CGAS: variants seen among roughly 807,000 people sequenced by gnomAD.
The protein encoded by CGAS is cyclic GMP-AMP synthase.
A neutral mutation model predicts 34.0 loss-of-function variants in CGAS; 31 were observed. That is an observed-to-expected ratio of 0.91 (90% CI 0.69 to 1.23). The LOEUF (loss-of-function observed/expected upper bound fraction) is 1.23, where lower values mean the gene tolerates loss of function less well. CGAS is among the 50% of genes most tolerant of loss of function. CGAS has a pLI of 0.00. For synonymous variants in CGAS, 266 were observed against 260.0 expected (o/e 1.02, Z -0.22); for missense variants, 597 against 657.6 (o/e 0.91, Z 1.01).
Position 73,451,523 on chromosome 6 carries a change from A to C in CGAS, c.657+2T>G, listed in dbSNP as rs1388572714. ...TCGGCGGGAGGGCGCCAAGCAGCTC[A>C]CCTTCACGTGCTCATAGTAGCTCCC... On this transcript the variant is annotated splice_donor_variant, in intron 1 of 4. Transcript: ENST00000370315. LOFTEE classifies it high-confidence loss of function. 1.9e-6 allele frequency: 3 copies of C among 1,547,422 alleles called. No homozygotes were observed. The highest frequency in any genetic ancestry group is 2.6e-6 in the Non-Finnish European group (3 of 1,143,148).
At chr6:73,444,290 ATT>A in intron 2 of CGAS, among the ~76,000 whole-genome samples, 1 of 150,178 alleles carries the variant, frequency 6.7e-6, no homozygotes, top group Admixed American at 6.7e-5. Context: ...GCCTGGCCAG[ATT>A]TTAATTTAAT....
chr6:73,429,921 G>A (rs377226148), intron 3 of CGAS, among the ~76,000 whole-genome samples: 1 of 152,036 alleles, frequency 6.6e-6, no homozygotes, highest in East Asian at 1.9e-4. Flanking sequence ...CAAAGTATAA[G>A]TAGTTTATAA....
At chr6:73,445,801 T>C (rs1770459323) in intron 1 of CGAS, 54 bp from the exon 2 acceptor site, 3 of 1,351,142 alleles carry the variant, frequency 2.2e-6, no homozygotes. Context: ...ATTTTCCAAG[T>C]GACTGGAACT....
chr6:73,438,646 G>A (rs939683540), intron 3 of CGAS, among the ~76,000 whole-genome samples: 24 of 141,318 alleles, frequency 1.7e-4, no homozygotes, highest in Admixed American at 1.6e-4. Context: ...AGTGAGCCAA[G>A]TTCACACCAC....
chr6:73,449,706 A>G (rs1444822391), intron 1 of CGAS, among the ~76,000 whole-genome samples: 3 of 152,000 alleles, frequency 2.0e-5, no homozygotes, highest in Admixed American at 6.6e-5. Context: ...TGCTCAAGAC[A>G]CAGTCTGGGC....
At chr6:73,446,546 A>G (rs62440623) in intron 1 of CGAS, among the ~76,000 whole-genome samples, 1 of 29,130 alleles carries the variant, frequency 3.4e-5, no homozygotes, top group African/African-American at 1.5e-4. Flanking sequence ...TAACAAGGTG[A>G]AACCCCGTCT....
rs1443046527 is a variant in CGAS, at chr6:73,424,714, T to C, written c.*513A>G. 6.6e-6 allele frequency: 1 copy of C among 152,342 alleles called. No homozygotes were observed. The highest frequency in any genetic ancestry group is 2.4e-5 in the African/African-American group (1 of 41,454). The allele number at this position is 152,342 out of a possible 1,614,324, so 9.4% of individuals were successfully genotyped here. A position where few individuals can be genotyped will look rare whatever the true frequency, so the allele number is the denominator to read the frequency against. ...GAGTTTATTACAACAAACTGAAAACTGAATAATTATTTACATTCATTTTAG... is the reference window on the plus strand; with the variant it reads ...GAGTTTATTACAACAAACTGAAAACCGAATAATTATTTACATTCATTTTAG... On this transcript the variant is annotated 3_prime_UTR_variant, in exon 5 of 5. Transcript: ENST00000370315.
chr6:73,450,851 A>T (rs1273576298), intron 1 of CGAS, among the ~76,000 whole-genome samples: 2 of 151,648 alleles, frequency 1.3e-5, no homozygotes, highest in Admixed American at 1.3e-4. Context: ...TTAGCCGGGC[A>T]TGGTGGCGGG....
intron 3 of CGAS, among the ~76,000 whole-genome samples, chr6:73,437,505 C>T (rs1291443165): frequency 6.6e-6 from 1 of 151,990 alleles, no homozygotes; most frequent in Non-Finnish European, 1.5e-5. Context: ...GTGGCATGAT[C>T]ATAGCTCACT....
intron 1 of CGAS, among the ~76,000 whole-genome samples, chr6:73,446,818 G>A (rs1485145847): frequency 2.0e-5 from 3 of 151,312 alleles, no homozygotes; most frequent in African/African-American, 7.3e-5. Flanking sequence ...AGTACTTTGG[G>A]AGGACGAGGC....
intron 1 of CGAS, among the ~76,000 whole-genome samples, chr6:73,447,330 C>T (rs977290591): frequency 2.6e-5 from 4 of 151,940 alleles, no homozygotes; most frequent in Non-Finnish European, 5.9e-5. Flanking sequence ...GTCACTGAGG[C>T]TGGAGTGCAA....
chr6:73,435,172 A>G (rs1355052708), intron 3 of CGAS, among the ~76,000 whole-genome samples: 2 of 151,458 alleles, frequency 1.3e-5, no homozygotes, highest in Non-Finnish European at 2.9e-5. Flanking sequence ...CCCAGAAAAA[A>G]CCCCAGGGGA....
In CGAS at chr6:73,440,314, C is replaced by T; in HGVS notation, c.1009G>A (p.Gly337Ser). The T allele has an allele frequency of 6.2e-7, 1 of 1,614,146 alleles. No individual in the cohort carries two copies. The highest frequency in any genetic ancestry group is 8.5e-7 in the Non-Finnish European group (1 of 1,180,032). The change falls in exon 3 of 5, where the codon GGC becomes AGC. Residue 337 changes from glycine to serine, a missense_variant. This residue lies in a region of CGAS where 271 missense variants were observed against 324.1 expected (regional missense o/e 0.84). Coordinates refer to ENST00000370315, the MANE Select transcript of CGAS (RefSeq NM_138441.3). ...KSSWPASTQE[G>S]LRIQNWLSAK... The stretch of plus-strand genomic sequence containing the variant: ...GAAAGCCAGTTTTGAATGCGCAGGC[C>T]TTCTTGGGTGCTAGCAGGCCAGCTA...
At chr6:73,435,888 C>G (rs1486426002) in intron 3 of CGAS, among the ~76,000 whole-genome samples, 1 of 151,666 alleles carries the variant, frequency 6.6e-6, no homozygotes, top group Non-Finnish European at 1.5e-5. Flanking sequence ...GTTCAATCTA[C>G]CTTTTTCAAA....
At chr6:73,433,378 A>G (rs998531765) in intron 3 of CGAS, among the ~76,000 whole-genome samples, 5 of 151,704 alleles carry the variant, frequency 3.3e-5, no homozygotes, top group African/African-American at 9.7e-5. Flanking sequence ...TCTCTTGCGT[A>G]ACTAAGACTA....
At chr6:73,442,270 A>C (rs1310774014) in intron 2 of CGAS, among the ~76,000 whole-genome samples, 1 of 151,872 alleles carries the variant, frequency 6.6e-6, no homozygotes, top group East Asian at 1.9e-4. Context: ...TTCCTCTCCT[A>C]CATCAGCCAT....
intron 3 of CGAS, among the ~76,000 whole-genome samples, chr6:73,434,030 G>GA (rs1197738503): frequency 3.3e-5 from 5 of 152,322 alleles, no homozygotes; most frequent in African/African-American, 1.2e-4. Flanking sequence ...CACCCTTGGA[G>GA]AAAAACGAAG....
At chr6:73,443,903 G>A (rs569490645) in intron 2 of CGAS, among the ~76,000 whole-genome samples, 3 of 152,264 alleles carry the variant, frequency 2.0e-5, no homozygotes, top group African/African-American at 4.8e-5. Context: ...AGACTCTTTC[G>A]GAAAAGATGA....
intron 4 of CGAS, 85 bp downstream of exon 4, chr6:73,428,624 C>A: frequency 7.9e-7 from 1 of 1,273,678 alleles, no homozygotes; most frequent in South Asian, 1.4e-5. Context: ...CAACCCAGCT[C>A]AGCTCTTCAG....
Sources: allele counts gnomAD v4.1 joint callset (sites outside exome capture counted in the v4.1 genomes callset), GRCh38; gene constraint gnomAD v4.1.1; regional missense constraint gnomAD v4.1.1; transcripts MANE v1.5; gene names NCBI Gene and HGNC (gene_info 2026-07-23, HGNC 2026-07-21).